NRXN3: variants seen among roughly 807,000 people sequenced by gnomAD.
NRXN3 encodes the protein neurexin 3.
In NRXN3, 32 loss-of-function variants were observed where a neutral mutation model predicts 137.6. The observed-to-expected ratio is 0.23, with a 90% CI of 0.18 to 0.31. The LOEUF (loss-of-function observed/expected upper bound fraction) is 0.31. NRXN3 is among the 10% of genes least tolerant of loss of function. The pLI, the probability that NRXN3 is intolerant of heterozygous loss-of-function variation, is 1.00. For synonymous variants in NRXN3, 798 were observed against 784.5 expected (o/e 1.02, Z -0.29); for missense variants, 1,574 against 2,062.5 (o/e 0.76, Z 4.59).
intron 15 of NRXN3, among the ~76,000 whole-genome samples, chr14:79,379,990 T>C (rs552937576): frequency 1.3e-5 from 2 of 152,038 alleles, no homozygotes; most frequent in Non-Finnish European, 1.5e-5. Flanking sequence ...AAAAACAATC[T>C]AGGATTTCTG....
intron 4 of NRXN3, among the ~76,000 whole-genome samples, chr14:78,454,722 G>A (rs1280588867): frequency 6.6e-6 from 1 of 152,204 alleles, no homozygotes; most frequent in Non-Finnish European, 1.5e-5. Context: ...AGTCATTAGA[G>A]AACTGAGACC....
intron 15 of NRXN3, chr14:79,201,004 T>C (rs1006244205): frequency 6.6e-6 from 1 of 152,120 alleles, no homozygotes; most frequent in Non-Finnish European, 1.5e-5. Context: ...CTAAGAAATT[T>C]AGGCTTTCTT....
At chr14:78,874,547 T>C (rs2099109219) in intron 10 of NRXN3, among the ~76,000 whole-genome samples, 1 of 152,200 alleles carries the variant, frequency 6.6e-6, no homozygotes, top group South Asian at 2.1e-4. Context: ...TCACTACAGA[T>C]GTATCATATC....
intron 4 of NRXN3, among the ~76,000 whole-genome samples, chr14:78,396,803 C>T (rs1001983029): frequency 9.2e-5 from 14 of 152,048 alleles, no homozygotes; most frequent in Non-Finnish European, 1.3e-4. Context: ...GTAGTCAGCT[C>T]AGATTGCCAT....
intron 20 of NRXN3, among the ~76,000 whole-genome samples, chr14:79,816,509 T>A (rs1384459143): frequency 6.6e-6 from 1 of 152,090 alleles, no homozygotes; most frequent in East Asian, 1.9e-4. Context: ...CATGTCTTCA[T>A]GAGAATGTCC....
intron 4 of NRXN3, among the ~76,000 whole-genome samples, chr14:78,351,782 C>CTTTTTTTTTTTTT: frequency 7.8e-6 from 1 of 127,868 alleles, no homozygotes; most frequent in Non-Finnish European, 1.6e-5. Context: ...TGGTATTTTT[C>CTTTTTTTTTTTTT]TTTTTTTTTT....
intron 15 of NRXN3, among the ~76,000 whole-genome samples, chr14:79,333,023 C>A (rs2091900299): frequency 6.6e-6 from 1 of 152,088 alleles, no homozygotes; most frequent in Non-Finnish European, 1.5e-5. Context: ...CCCAGCACTC[C>A]CCTGCACCCC....
intron 15 of NRXN3, among the ~76,000 whole-genome samples, chr14:79,184,829 A>G (rs202009979): frequency 1.3e-5 from 2 of 152,062 alleles, no homozygotes; most frequent in East Asian, 3.9e-4. Flanking sequence ...TTGCTCTCTA[A>G]TTTTCCTCTA....
At chr14:79,724,306 T>C (rs2098866207) in intron 19 of NRXN3, among the ~76,000 whole-genome samples, 1 of 152,156 alleles carries the variant, frequency 6.6e-6, no homozygotes, top group Admixed American at 6.6e-5. Flanking sequence ...TTTTTAGTGG[T>C]ATCCTAACTC....
At chr14:78,240,077 T>C (rs2066885446) in intron 1 of NRXN3, among the ~76,000 whole-genome samples, 1 of 152,220 alleles carries the variant, frequency 6.6e-6, no homozygotes, top group African/African-American at 2.4e-5. Context: ...GTGTAAATAC[T>C]CCTTGCCTGT....
intron 16 of NRXN3, among the ~76,000 whole-genome samples, chr14:79,554,520 T>C (rs946285437): frequency 3.9e-5 from 6 of 152,134 alleles, no homozygotes; most frequent in Admixed American, 3.3e-4. Context: ...GTCCAGACTA[T>C]AGAGTCAGGT....
chr14:79,325,046 TTA>T (rs1372269173), intron 15 of NRXN3, among the ~76,000 whole-genome samples: 1 of 152,192 alleles, frequency 6.6e-6, no homozygotes, highest in Non-Finnish European at 1.5e-5. Context: ...TTGTATACAT[TTA>T]TCTCTTGGCT....
intron 15 of NRXN3, among the ~76,000 whole-genome samples, chr14:79,381,046 C>T (rs1438029121): frequency 6.6e-6 from 1 of 152,032 alleles, no homozygotes; most frequent in Admixed American, 6.6e-5. Flanking sequence ...CTGGATGGTG[C>T]TGCTACTGGA....
At chr14:79,057,121 A>C (rs913360170) in intron 15 of NRXN3, among the ~76,000 whole-genome samples, 2 of 152,212 alleles carry the variant, frequency 1.3e-5, no homozygotes, top group African/African-American at 2.4e-5. Flanking sequence ...TGGGTAACCA[A>C]ATGTTATTTG....
chr14:79,491,600 C>CAAAAAAAA (rs140445434), intron 16 of NRXN3, among the ~76,000 whole-genome samples: 4,878 of 149,844 alleles, frequency 0.033, 277 homozygotes, highest in African/African-American at 0.12. Flanking sequence ...TTTTTCGTCT[C>CAAAAAAAA]AAAAAAAAGC....
At chr14:78,804,546 CTCT>C (rs2098849443) in intron 9 of NRXN3, among the ~76,000 whole-genome samples, 1 of 152,182 alleles carries the variant, frequency 6.6e-6, no homozygotes, top group African/African-American at 2.4e-5. Flanking sequence ...ACTAATAACT[CTCT>C]TCTTCTTATA....
intron 15 of NRXN3, among the ~76,000 whole-genome samples, chr14:79,014,446 A>G (rs1246030105): frequency 6.6e-6 from 1 of 152,050 alleles, no homozygotes; most frequent in Non-Finnish European, 1.5e-5. Flanking sequence ...CATTCTTTTT[A>G]TGGCTGCGTA....
At chr14:78,825,967 G>C (rs984520761) in intron 10 of NRXN3, among the ~76,000 whole-genome samples, 2 of 152,176 alleles carry the variant, frequency 1.3e-5, no homozygotes, top group African/African-American at 4.8e-5. Context: ...AAGTTGAGTT[G>C]GATGAGTATC....
chr14:78,915,345 CAAAAAAAAAA>C (rs35908076), intron 10 of NRXN3, among the ~76,000 whole-genome samples: 407 of 11,198 alleles, frequency 0.036, 6 homozygotes, highest in African/African-American at 0.11. Context: ...ACGTGTGAAG[CAAAAAAAAAA>C]AAAAAAAAAA....
Sources: gnomAD v4.1 joint callset for allele counts (sites outside exome capture counted in the v4.1 genomes callset) on GRCh38, gnomAD v4.1.1 for gene constraint, MANE v1.5 for transcripts, NCBI Gene and HGNC (gene_info 2026-07-23, HGNC 2026-07-21) for gene names.